SLC12A6: variants seen among roughly 807,000 people sequenced by gnomAD.
SLC12A6 encodes solute carrier family 12 member 6, also known as K-Cl cotransporter 3.
SLC12A6 carries 66 observed loss-of-function variants against 135.3 expected under a neutral mutation model. The observed-to-expected ratio is 0.49, with a 90% CI of 0.40 to 0.60. The LOEUF is 0.60. SLC12A6 is among the 20% of genes least tolerant of loss of function. SLC12A6 has a pLI of 0.00. For synonymous variants in SLC12A6, 513 were observed against 508.8 expected, an observed-to-expected ratio of 1.01 and a Z score of -0.11; for missense variants, 1,058 against 1,452.3, an observed-to-expected ratio of 0.73 and a Z score of 4.41.
intron 2 of SLC12A6, among the ~76,000 whole-genome samples, chr15:34,327,994 A>T (rs1889587403): frequency 6.6e-6 from 1 of 152,224 alleles, no homozygotes; most frequent in Admixed American, 6.5e-5. Flanking sequence ...CACGACAAAT[A>T]TAATGAGGAT....
chr15:34,306,498 C>T (rs1896621287), intron 2 of SLC12A6, among the ~76,000 whole-genome samples: 1 of 152,154 alleles, frequency 6.6e-6, no homozygotes, highest in Non-Finnish European at 1.5e-5. Flanking sequence ...AGGAAAAGTC[C>T]TGTACCAACT....
At chr15:34,243,495 T>C (rs1268359873) in intron 16 of SLC12A6, among the ~76,000 whole-genome samples, 1 of 152,180 alleles carries the variant, frequency 6.6e-6, no homozygotes, top group Non-Finnish European at 1.5e-5. Context: ...CAACAGTTCA[T>C]TGAGAGCTGA....
rs1478881131 is a variant in SLC12A6, at chr15:34,278,194, A to G, written c.272-2805T>C. Among the ~76,000 whole-genome samples, 5 of 152,284 alleles carry G rather than the reference A, an allele frequency of 3.3e-5. No individual in the cohort carries two copies. In the East Asian group the frequency reaches 9.7e-4, roughly 29 times the overall value. On this transcript the variant is annotated intron_variant, in intron 2 of 25. Coordinates refer to ENST00000354181, the MANE Select transcript of SLC12A6 (RefSeq NM_001365088.1). ...GTAATTGCAGCACTTTGGGAGGCCG[A>G]GGCGGGTGGATCACCTGAGGTCAGG... is the stretch of plus-strand genomic sequence containing the variant.
At chr15:34,315,200 T>C (rs112574283) in intron 2 of SLC12A6, among the ~76,000 whole-genome samples, 13 of 152,328 alleles carry the variant, frequency 8.5e-5, no homozygotes, top group African/African-American at 3.1e-4. Flanking sequence ...GTGGGTAATA[T>C]GCTATCAAAC....
At chr15:34,297,531 G>A (rs1481744548) in intron 2 of SLC12A6, among the ~76,000 whole-genome samples, 1 of 152,198 alleles carries the variant, frequency 6.6e-6, no homozygotes, top group Non-Finnish European at 1.5e-5. Flanking sequence ...CCAAGGTGGT[G>A]TAGCCAATAA....
intron 2 of SLC12A6, among the ~76,000 whole-genome samples, chr15:34,311,833 G>A (rs1888281084): frequency 6.6e-6 from 1 of 151,832 alleles, no homozygotes; most frequent in Non-Finnish European, 1.5e-5. Flanking sequence ...GCTATACCCT[G>A]CTCTCATTCC....
At chr15:34,334,108 TC>T (rs1274818498) in intron 2 of SLC12A6, among the ~76,000 whole-genome samples, 16 of 150,984 alleles carry the variant, frequency 1.1e-4, no homozygotes, top group African/African-American at 3.9e-4. Context: ...ATGTGTCACC[TC>T]CTGTTTGTGT....
chr15:34,304,753 T>C (rs1896486157), intron 2 of SLC12A6, among the ~76,000 whole-genome samples: 1 of 152,230 alleles, frequency 6.6e-6, no homozygotes, highest in African/African-American at 2.4e-5. Flanking sequence ...CTGACTTACT[T>C]ATCACATTGT....
chr15:34,303,579 C>T (rs1371011685), intron 2 of SLC12A6, among the ~76,000 whole-genome samples: 1 of 152,074 alleles, frequency 6.6e-6, no homozygotes, highest in Non-Finnish European at 1.5e-5. Flanking sequence ...TTGAATATAT[C>T]CTCCCAAAAG....
intron 2 of SLC12A6, among the ~76,000 whole-genome samples, chr15:34,308,630 C>CAAAAAAAAAAAAAAA (rs536506096): frequency 1.6e-5 from 1 of 63,332 alleles, no homozygotes; most frequent in Non-Finnish European, 3.3e-5. Flanking sequence ...GTCCACCTGA[C>CAAAAAAAAAAAAAAA]AAAAAAAAAA....
intron 2 of SLC12A6, among the ~76,000 whole-genome samples, chr15:34,314,455 C>T (rs549586891): frequency 2.0e-5 from 3 of 152,278 alleles, no homozygotes; most frequent in African/African-American, 2.4e-5. Context: ...TCAAGAGCTC[C>T]GATGGAGATG....
At chr15:34,334,083 AAC>A (rs1401399364) in intron 2 of SLC12A6, among the ~76,000 whole-genome samples, 154 of 151,792 alleles carry the variant, frequency 1.0e-3, no homozygotes, top group Middle Eastern at 3.4e-3. Context: ...AAAAAAAAAA[AAC>A]AAAAAAAACT....
At position 34,254,570 on chromosome 15, in the gene SLC12A6, G is replaced by C; in HGVS notation, c.896C>G (p.Ala299Gly). The C allele has an allele frequency of 2.5e-6, 4 of 1,608,178 alleles. No individual in the cohort carries two copies. The highest frequency in any genetic ancestry group is 3.4e-6 in the Non-Finnish European group (4 of 1,174,578). The change falls in exon 9 of 26, where the codon GCT (alanine) becomes GGT (glycine). Residue 299 changes from alanine to glycine, a missense_variant. Ala to Gly is a moderately conservative substitution (Grantham distance 60, BLOSUM62 0). Coordinates refer to ENST00000354181, the MANE Select transcript of SLC12A6 (RefSeq NM_001365088.1). The part of the protein sequence containing the change: ...EIFLVYIVPR[A>G]AIFHSDDALK... ...TGCGTCATCACTGTGAAAGATGGCAGCTCGGGGGACGATATAGACCTGTTA... is the reference window on the plus strand; with the variant it reads ...TGCGTCATCACTGTGAAAGATGGCACCTCGGGGGACGATATAGACCTGTTA...
chr15:34,256,120 G>A (rs576801164), intron 7 of SLC12A6, 109 bp downstream of exon 7: 1 of 765,948 alleles, frequency 1.3e-6, no homozygotes, highest in Non-Finnish European at 2.4e-6. Flanking sequence ...TTGTAGCACA[G>A]AACAGACCAA....
intron 3 of SLC12A6, among the ~76,000 whole-genome samples, chr15:34,264,128 G>A (rs1470187296): frequency 6.6e-6 from 1 of 152,104 alleles, no homozygotes; most frequent in East Asian, 1.9e-4. Context: ...ATTAATGATA[G>A]ATGGAATGAC....
intron 2 of SLC12A6, among the ~76,000 whole-genome samples, chr15:34,316,936 A>C (rs1488155272): frequency 1.3e-5 from 2 of 152,222 alleles, no homozygotes; most frequent in African/African-American, 4.8e-5. Context: ...CAAAAGCCTA[A>C]AGGGATTAAA....
intron 2 of SLC12A6, among the ~76,000 whole-genome samples, chr15:34,286,034 T>C (rs1168558856): frequency 6.6e-6 from 1 of 151,934 alleles, no homozygotes; most frequent in East Asian, 1.9e-4. Flanking sequence ...ACTACTGAAC[T>C]ATACACTAAA....
intron 12 of SLC12A6, 123 bp from the exon 13 acceptor site, chr15:34,250,478 T>C: frequency 1.2e-6 from 1 of 863,054 alleles, no homozygotes. Context: ...TAAATTCTTT[T>C]TTGAATTTTC....
At chr15:34,328,347 G>A (rs553364526) in intron 2 of SLC12A6, among the ~76,000 whole-genome samples, 3 of 152,156 alleles carry the variant, frequency 2.0e-5, no homozygotes, top group Non-Finnish European at 4.4e-5. Flanking sequence ...ATCTTGTTAA[G>A]TATAAATTCC....
Sources: allele counts gnomAD v4.1 joint callset (sites outside exome capture counted in the v4.1 genomes callset), GRCh38; gene constraint gnomAD v4.1.1; transcripts MANE v1.5; gene names NCBI Gene and HGNC (gene_info 2026-07-23, HGNC 2026-07-21).